The following BRD10 variants were observed in gnomAD, a reference collection of about 807,000 sequenced individuals.
BRD10 encodes the protein uncharacterized bromodomain-containing protein 10.
the BRD10 span, among the ~76,000 whole-genome samples, chr9:5,905,020 G>T: frequency 6.6e-6 from 1 of 151,638 alleles, no homozygotes; most frequent in Non-Finnish European, 1.5e-5. Context: ...TGATCCACAC[G>T]CCTTGACCTC....
At chr9:5,981,881 G>A in the BRD10 span, among the ~76,000 whole-genome samples, 1 of 151,994 alleles carries the variant, frequency 6.6e-6, no homozygotes, top group Non-Finnish European at 1.5e-5. Flanking sequence ...GTAAATAAAT[G>A]GAAACAGAAA....
At chr9:6,008,285 G>A in the BRD10 span, 2 of 984,668 alleles carry the variant, frequency 2.0e-6, no homozygotes, top group South Asian at 4.7e-5. Flanking sequence ...CTCTACCTGC[G>A]GGGGACACGG....
chr9:5,961,024 T>C, the BRD10 span, among the ~76,000 whole-genome samples: 1 of 152,204 alleles, frequency 6.6e-6, no homozygotes, highest in Non-Finnish European at 1.5e-5. Context: ...AAGATACATA[T>C]TAAGGAGTTA....
the BRD10 span, among the ~76,000 whole-genome samples, chr9:5,885,379 CT>C: frequency 4.2e-5 from 1 of 23,780 alleles, no homozygotes; most frequent in Non-Finnish European, 1.7e-4. Context: ...CGTATGTTAT[CT>C]CTTTTTTTTT....
At chr9:5,909,113 C>A in the BRD10 span, 3 of 227,382 alleles carry the variant, frequency 1.3e-5, no homozygotes, top group African/African-American at 2.3e-5. Context: ...CAGAATTGTT[C>A]CAGTACTATG....
chr9:5,944,160 T>C, the BRD10 span, among the ~76,000 whole-genome samples: 1 of 152,154 alleles, frequency 6.6e-6, no homozygotes, highest in Non-Finnish European at 1.5e-5. Context: ...TTTAAAGCCT[T>C]TCCCATTTAT....
the BRD10 span, among the ~76,000 whole-genome samples, chr9:5,946,537 G>A: frequency 2.1e-4 from 32 of 152,094 alleles, no homozygotes; most frequent in East Asian, 7.7e-4. Context: ...TGTCCCTACC[G>A]TGGATTTTTA....
At chr9:5,957,957 C>T in the BRD10 span, among the ~76,000 whole-genome samples, 1 of 152,116 alleles carries the variant, frequency 6.6e-6, no homozygotes. Flanking sequence ...AGGCCTTTTA[C>T]TTCCACTGCC....
chr9:5,960,841 T>A, the BRD10 span, among the ~76,000 whole-genome samples: 76 of 152,132 alleles, frequency 5.0e-4, 3 homozygotes, highest in Non-Finnish European at 1.5e-4. Flanking sequence ...TTAAATTAAC[T>A]GCAAAATACA....
the BRD10 span, among the ~76,000 whole-genome samples, chr9:5,989,233 A>AC: frequency 4.3e-5 from 2 of 46,124 alleles, no homozygotes; most frequent in African/African-American, 6.0e-5. Context: ...ACTCTGTCTC[A>AC]TTAAAAAAAA....
the BRD10 span, among the ~76,000 whole-genome samples, chr9:5,999,056 G>A: frequency 6.6e-6 from 1 of 151,824 alleles, no homozygotes; most frequent in Non-Finnish European, 1.5e-5. Context: ...GTCAAATTAA[G>A]CATATTGATA....
At chr9:5,972,202 A>G in the BRD10 span, among the ~76,000 whole-genome samples, 1 of 152,318 alleles carries the variant, frequency 6.6e-6, no homozygotes, top group East Asian at 1.9e-4. Flanking sequence ...TAGGAGGGAT[A>G]GGAAGAAAGA....
At chr9:5,968,471 T>C in the BRD10 span, 1 of 1,611,698 alleles carries the variant, frequency 6.2e-7, no homozygotes, top group South Asian at 1.1e-5. Flanking sequence ...CTCTAAATTT[T>C]CTTTACAACA....
chr9:5,946,990 T>C, the BRD10 span, among the ~76,000 whole-genome samples: 2 of 152,000 alleles, frequency 1.3e-5, no homozygotes, highest in Non-Finnish European at 2.9e-5. Context: ...TGAAGACATA[T>C]ACCTCTACAA....
At chr9:5,900,301 G>T in the BRD10 span, among the ~76,000 whole-genome samples, 1 of 152,088 alleles carries the variant, frequency 6.6e-6, no homozygotes, top group Non-Finnish European at 1.5e-5. Context: ...TCAGTGGTTT[G>T]TAGTTTCTGA....
the BRD10 span, among the ~76,000 whole-genome samples, chr9:5,946,434 G>A: frequency 6.6e-6 from 1 of 151,982 alleles, no homozygotes; most frequent in South Asian, 2.1e-4. Flanking sequence ...AAATGCTGAT[G>A]GTCAAGCAGT....
the BRD10 span, among the ~76,000 whole-genome samples, chr9:5,951,328 T>TA: frequency 0.63 from 94,470 of 149,596 alleles, 30,113 homozygotes; most frequent in Non-Finnish European, 0.7. Flanking sequence ...CATTAGGACT[T>TA]AAAAAAAAAA....
chr9:5,905,091 T>C, the BRD10 span, among the ~76,000 whole-genome samples: 3 of 152,306 alleles, frequency 2.0e-5, no homozygotes, highest in African/African-American at 7.2e-5. Context: ...CTTTTTTACT[T>C]TTTTTCAGTG....
the BRD10 span, among the ~76,000 whole-genome samples, chr9:5,957,410 A>G: frequency 6.6e-6 from 1 of 152,192 alleles, no homozygotes; most frequent in African/African-American, 2.4e-5. Flanking sequence ...TCCAAGTGAC[A>G]TACTGCGCAT....
Sources: gnomAD v4.1 joint callset for allele counts (sites outside exome capture counted in the v4.1 genomes callset) on GRCh38, gnomAD v4.1.1 for gene constraint, MANE v1.5 for transcripts, NCBI Gene and HGNC (gene_info 2026-07-23, HGNC 2026-07-21) for gene names.